The following MRTFA variants were observed in gnomAD, a reference collection of about 807,000 sequenced individuals.
The protein encoded by MRTFA is myocardin related transcription factor A, also known as myocardin-related transcription factor A.
In MRTFA, 20 loss-of-function variants were observed where a neutral mutation model predicts 83.5. The observed-to-expected ratio is 0.24, with a 90% confidence interval of 0.17 to 0.35. MRTFA has a LOEUF of 0.35. MRTFA is among the 10% of genes least tolerant of loss of function. The pLI, the probability that MRTFA is intolerant of heterozygous loss-of-function variation, is 1.00. For missense variants in MRTFA, 1,200 were observed against 1,224.7 expected (o/e 0.98, Z 0.30); for synonymous variants, 659 against 541.2 (o/e 1.22, Z -3.02).
At chr22:40,572,115 T>C (rs2055804988) in intron 2 of MRTFA, among the ~76,000 whole-genome samples, 1 of 152,014 alleles carries the variant, frequency 6.6e-6, no homozygotes, top group Non-Finnish European at 1.5e-5. Flanking sequence ...AAACTGGAGT[T>C]CACGTATTAT....
intron 3 of MRTFA, among the ~76,000 whole-genome samples, chr22:40,481,183 GATGTAAGAGGACGTCACAGGACT>G (rs2147185049): frequency 6.6e-6 from 1 of 152,172 alleles, no homozygotes; most frequent in Admixed American, 6.5e-5. Context: ...AGTCTAAAAG[GATGTAAGAGGACGTCACAGGACT>G]ACTGCCTATC....
chr22:40,563,829 G>A (rs1442950947), intron 2 of MRTFA, among the ~76,000 whole-genome samples: 3 of 152,148 alleles, frequency 2.0e-5, no homozygotes, highest in African/African-American at 7.2e-5. Flanking sequence ...TTCTAAAAGG[G>A]CAATACAGTT....
chr22:40,517,924 G>C (rs2054788528), intron 3 of MRTFA, among the ~76,000 whole-genome samples: 1 of 152,110 alleles, frequency 6.6e-6, no homozygotes, highest in Non-Finnish European at 1.5e-5. Context: ...AATGGCCAAT[G>C]ATGTCATTAA....
intron 3 of MRTFA, among the ~76,000 whole-genome samples, chr22:40,471,814 G>A (rs1642655156): frequency 6.6e-6 from 1 of 152,144 alleles, no homozygotes; most frequent in Admixed American, 6.5e-5. Flanking sequence ...CGAGGCTGTA[G>A]TGAGCTGAGA....
At chr22:40,473,071 T>C (rs552460540) in intron 3 of MRTFA, among the ~76,000 whole-genome samples, 1 of 152,302 alleles carries the variant, frequency 6.6e-6, no homozygotes, top group Admixed American at 6.5e-5. Context: ...CTGTGAATTT[T>C]CTATCTAAAT....
At chr22:40,499,914 CTTTTTTTTTT>C (rs72041822) in intron 3 of MRTFA, among the ~76,000 whole-genome samples, 33 of 84,960 alleles carry the variant, frequency 3.9e-4, no homozygotes, top group African/African-American at 1.4e-3. Context: ...TCAAGTAGAC[CTTTTTTTTTT>C]TTTTTTTTTT....
At chr22:40,578,833 C>T (rs1436588787) in intron 2 of MRTFA, among the ~76,000 whole-genome samples, 5 of 151,888 alleles carry the variant, frequency 3.3e-5, no homozygotes, top group South Asian at 4.2e-4. Flanking sequence ...TGAGATGGGA[C>T]GATCACTTGA....
chr22:40,424,447 TG>T, intron 7 of MRTFA, 66 bp from the exon 8 acceptor site: 1 of 1,543,594 alleles, frequency 6.5e-7, no homozygotes. Context: ...GGGACAGGCC[TG>T]GCTCGCAGGC....
intron 3 of MRTFA, among the ~76,000 whole-genome samples, chr22:40,513,615 A>AAAG (rs2054704869): frequency 1.3e-5 from 2 of 151,890 alleles, no homozygotes; most frequent in South Asian, 2.1e-4. Flanking sequence ...AAAAAAAAAA[A>AAAG]AAAGAAAAAG....
chr22:40,515,023 C>T (rs1476568238), intron 3 of MRTFA, among the ~76,000 whole-genome samples: 4 of 151,828 alleles, frequency 2.6e-5, no homozygotes, highest in African/African-American at 7.3e-5. Context: ...ATTCTCCCGC[C>T]TCAGCCTCCC....
At chr22:40,423,279 G>A (rs960148196) in intron 9 of MRTFA, among the ~76,000 whole-genome samples, 18 of 152,226 alleles carry the variant, frequency 1.2e-4, no homozygotes, top group African/African-American at 4.3e-4. Flanking sequence ...TAATGTGTGG[G>A]AATGACTTCA....
At chr22:40,586,979 G>A (rs2056040307) in intron 2 of MRTFA, 1 of 456,596 alleles carries the variant, frequency 2.2e-6, no homozygotes, top group Non-Finnish European at 4.5e-6. Flanking sequence ...GGAGTTTGTG[G>A]TTGCTGGCCT....
chr22:40,536,353 T>TG (rs1198685825), intron 3 of MRTFA, among the ~76,000 whole-genome samples: 2 of 149,904 alleles, frequency 1.3e-5, no homozygotes, highest in Non-Finnish European at 3.0e-5. Context: ...GCCGGGAGGA[T>TG]GGAGTTCAGC....
intron 3 of MRTFA, among the ~76,000 whole-genome samples, chr22:40,516,899 T>C (rs971299860): frequency 1.1e-4 from 17 of 152,080 alleles, no homozygotes; most frequent in Admixed American, 3.9e-4. Flanking sequence ...AGAAAGAAGG[T>C]CTAGGACAAC....
intron 1 of MRTFA, among the ~76,000 whole-genome samples, chr22:40,626,584 C>T (rs889453285): frequency 6.6e-6 from 1 of 152,142 alleles, no homozygotes; most frequent in African/African-American, 2.4e-5. Flanking sequence ...CCAGCCAACC[C>T]TTACTTTTAA....
At chr22:40,540,518 G>A (rs544638569) in intron 3 of MRTFA, among the ~76,000 whole-genome samples, 6 of 152,090 alleles carry the variant, frequency 3.9e-5, no homozygotes, top group East Asian at 1.9e-4. Flanking sequence ...CAGGCAGCGC[G>A]GTGGCTCAAA....
chr22:40,614,238 A>T (rs189834901), intron 1 of MRTFA, among the ~76,000 whole-genome samples: 25 of 150,032 alleles, frequency 1.7e-4, no homozygotes, highest in East Asian at 5.9e-4. Flanking sequence ...AATAAAAAAT[A>T]AAAAAAAATA....
At chr22:40,471,273 C>G (rs1442946953) in intron 3 of MRTFA, among the ~76,000 whole-genome samples, 1 of 144,246 alleles carries the variant, frequency 6.9e-6, no homozygotes, top group Non-Finnish European at 1.5e-5. Flanking sequence ...TGTGGTGGCA[C>G]GCGCCTGTAA....
intron 2 of MRTFA, among the ~76,000 whole-genome samples, chr22:40,558,307 A>G (rs942247194): frequency 7.5e-5 from 7 of 93,918 alleles, no homozygotes; most frequent in Non-Finnish European, 1.0e-4. Context: ...GGTTTTTGCT[A>G]TGTTGCCCAG....
Sources: gnomAD v4.1 joint callset for allele counts (sites outside exome capture counted in the v4.1 genomes callset) on GRCh38, gnomAD v4.1.1 for gene constraint, MANE v1.5 for transcripts, NCBI Gene and HGNC (gene_info 2026-07-23, HGNC 2026-07-21) for gene names.